CCDC77: variants seen among roughly 807,000 people sequenced by gnomAD.
CCDC77 encodes coiled-coil domain containing 77, also known as coiled-coil domain-containing protein 77.
A neutral mutation model predicts 66.8 loss-of-function variants in CCDC77; 56 were observed. The observed-to-expected ratio is 0.84, with a 90% CI of 0.68 to 1.05. The LOEUF (loss-of-function observed/expected upper bound fraction) is 1.05. Among genes scored for constraint, CCDC77 ranks in the 50% least tolerant of loss-of-function variants. The pLI is 0.00. For missense variants in CCDC77, 570 were observed against 576.8 expected (o/e 0.99, Z 0.12); for synonymous variants, 196 against 195.2 (o/e 1.00, Z -0.03).
intron 5 of CCDC77, among the ~76,000 whole-genome samples, chr12:424,735 A>T (rs950496264): frequency 7.9e-5 from 12 of 151,814 alleles, no homozygotes; most frequent in African/African-American, 2.7e-4. Context: ...TTGTCAGGAA[A>T]CTTTTCTCCT....
chr12:413,917 C>CAT (rs1565567084), intron 4 of CCDC77, among the ~76,000 whole-genome samples: 1 of 149,978 alleles, frequency 6.7e-6, no homozygotes, highest in African/African-American at 2.5e-5. Context: ...CGTGAGCCAC[C>CAT]GCGCCCAGCT....
intron 4 of CCDC77, among the ~76,000 whole-genome samples, chr12:415,637 G>GT (rs1198609293): frequency 1.3e-5 from 2 of 150,654 alleles, no homozygotes; most frequent in African/African-American, 2.4e-5. Flanking sequence ...TGGGTTTTTT[G>GT]TTTTTTGTTT....
rs141242862 is a variant in CCDC77 at position 411,844 on chromosome 12, G to T, written c.136G>T (p.Glu46Ter). The T allele has an allele frequency of 2.0e-5, 32 of 1,613,880 alleles. No homozygotes were observed. The South Asian group carries it at 2.2e-4, about 11-fold the overall frequency. ...GGAGTCAACCCCCTTGCCTTCCCCC[G>T]AAGATCGTCTGGCCAAACTCCATCC... ...SLESTPLPSP[E>*]DRLAKLHPSK... Residue 46 changes from glutamate (E) to a stop codon, truncating the protein, a stop_gained, in exon 4 of 13, where the codon GAA becomes TAA. Transcript: ENST00000239830. LOFTEE classifies it high-confidence loss of function.
chr12:430,771 A>T, intron 7 of CCDC77, 35 bp downstream of exon 7: 1 of 1,521,802 alleles, frequency 6.6e-7, no homozygotes, highest in Non-Finnish European at 9.1e-7. Flanking sequence ...AATTCTCATC[A>T]ATGCAGAATT....
In CCDC77 at chr12:411,897, A is replaced by G. The variant is rs1242798855; in HGVS notation, c.189A>G (p.Gln63=). The G allele has an allele frequency of 2.7e-5, 43 of 1,613,942 alleles. No individual in the cohort carries two copies. The highest frequency in any genetic ancestry group is 3.2e-5 in the Non-Finnish European group (38 of 1,180,022). Residue 63 remains glutamine, a synonymous_variant, in exon 4 of 13, where the codon CAA becomes CAG. Transcript: ENST00000239830. ...CTAAGGAGCTCCTGGAATATTATCA[A>G]AAGAAGATGGCTGAGTGTGAGGCAG... is the stretch of plus-strand genomic sequence containing the variant. The part of the protein sequence containing the change: ...HPSKELLEYY[Q]KKMAECEAEN...
intron 9 of CCDC77, among the ~76,000 whole-genome samples, chr12:435,127 T>G (rs7297131): frequency 0.047 from 4,123 of 87,156 alleles, 43 homozygotes; most frequent in East Asian, 0.098. Context: ...TTCTTTCTGT[T>G]TTTCATCTAG....
chr12:433,163 G>T lies in CCDC77; in HGVS notation c.673-11G>T. On this transcript the variant is annotated splice_polypyrimidine_tract_variant and intron_variant, in intron 8 of 12. Coordinates refer to ENST00000239830, the MANE Select transcript of CCDC77 (RefSeq NM_032358.4). ...AGGGCTGGATTCCTCACCCCTTTTT[G>T]GCCTGTCTAGGTGGAAGCACTGCAG... 6.3e-7 allele frequency: 1 copy of T among 1,598,576 alleles called. No homozygotes were observed. Among genetic ancestry groups the T allele is most frequent in the Non-Finnish European group, 8.5e-7 (1 of 1,174,056 alleles).
At chr12:411,128 G>A (rs1945099838) in intron 3 of CCDC77, among the ~76,000 whole-genome samples, 2 of 151,642 alleles carry the variant, frequency 1.3e-5, no homozygotes, top group South Asian at 4.2e-4. Flanking sequence ...TTAGTACTTG[G>A]AAGATAATTA....
intron 10 of CCDC77, 104 bp from the exon 11 acceptor site, chr12:440,513 C>T (rs1432842458): frequency 7.5e-7 from 1 of 1,336,694 alleles, no homozygotes; most frequent in African/African-American, 1.5e-5. Flanking sequence ...TCATTTTGTA[C>T]CTCTGGAAAT....
intron 6 of CCDC77, among the ~76,000 whole-genome samples, chr12:430,282 C>T (rs180995954): frequency 3.3e-5 from 5 of 152,250 alleles, no homozygotes; most frequent in East Asian, 3.9e-4. Flanking sequence ...CATGAGCCAC[C>T]GCACCTGGCC....
At chr12:434,646 C>T (rs1457693444) in intron 9 of CCDC77, among the ~76,000 whole-genome samples, 1 of 152,252 alleles carries the variant, frequency 6.6e-6, no homozygotes, top group East Asian at 1.9e-4. Context: ...GCCACCACGC[C>T]TGGCCTACCT....
At chr12:401,516 T>TG (rs768956511), upstream of CCDC77, 14 of 152,256 alleles carry the variant, frequency 9.2e-5, no homozygotes, top group Admixed American at 5.2e-4. Flanking sequence ...AGGGGCGAGA[T>TG]GGGGGCGGGC....
At position 435,836 on chromosome 12, in the gene CCDC77, G is replaced by A. The variant is rs375456720; in HGVS notation, c.822-2499G>A. ...TTACTGCAGCCTTGAACTCCTGGGC[G>A]CAAGCAATCCTCCTGCCTCAGCCTT... On this transcript the variant is annotated intron_variant, in intron 9 of 12. Transcript: ENST00000239830. Among the ~76,000 whole-genome samples, 10 of 152,164 alleles carry A rather than the reference G, an allele frequency of 6.6e-5. No homozygotes were observed. The East Asian group carries it at 7.7e-4, about 12-fold the overall frequency.
At chr12:413,187 C>G (rs1214426021) in intron 4 of CCDC77, among the ~76,000 whole-genome samples, 3 of 151,464 alleles carry the variant, frequency 2.0e-5, no homozygotes, top group Non-Finnish European at 4.4e-5. Context: ...ATCTGCCCAC[C>G]TCGGCCTCCC....
chr12:403,991 C>A (rs897523565), intron 1 of CCDC77, among the ~76,000 whole-genome samples: 1 of 152,186 alleles, frequency 6.6e-6, no homozygotes, highest in Non-Finnish European at 1.5e-5. Flanking sequence ...CTGGCCATGC[C>A]AAGGTCCGGT....
At chr12:423,229 A>T (rs1391888382) in intron 5 of CCDC77, among the ~76,000 whole-genome samples, 3 of 133,382 alleles carry the variant, frequency 2.2e-5, no homozygotes, top group African/African-American at 8.4e-5. Flanking sequence ...GGCTCAGGTG[A>T]TCCTTGCACT....
intron 8 of CCDC77, 69 bp from the exon 9 acceptor site, chr12:433,105 C>T (rs1336836639): frequency 4.8e-6 from 7 of 1,472,398 alleles, no homozygotes; most frequent in African/African-American, 4.3e-5. Flanking sequence ...GAGAAAGGCT[C>T]ACTTTTCCTA....
At chr12:393,374 A>G (rs956524544) in intron 1 of CCDC77, among the ~76,000 whole-genome samples, 1 of 152,186 alleles carries the variant, frequency 6.6e-6, no homozygotes, top group Admixed American at 6.5e-5. Flanking sequence ...CGGCCCCCCA[A>G]AGTGCTGCGA....
At chr12:390,736 A>C (rs374326477) in intron 1 of CCDC77, among the ~76,000 whole-genome samples, 1 of 149,350 alleles carries the variant, frequency 6.7e-6, no homozygotes, top group Non-Finnish European at 1.5e-5. Flanking sequence ...TATCTTTATA[A>C]ACACACACAC....
Sources: allele counts gnomAD v4.1 joint callset (sites outside exome capture counted in the v4.1 genomes callset), GRCh38; gene constraint gnomAD v4.1.1; transcripts MANE v1.5; gene names NCBI Gene and HGNC (gene_info 2026-07-23, HGNC 2026-07-21).